Variants in ICAM1 observed in about 807,000 individuals in gnomAD.
The protein encoded by ICAM1 is intercellular adhesion molecule 1, also known as ICAM-1.
In ICAM1, 28 loss-of-function variants were observed where a neutral mutation model predicts 42.3. That is an observed-to-expected ratio of 0.66 (90% CI 0.49 to 0.91). The LOEUF (loss-of-function observed/expected upper bound fraction) is 0.91. ICAM1 is among the 40% of genes least tolerant of loss of function. ICAM1 has a pLI of 0.00. For synonymous variants in ICAM1, 304 were observed against 305.9 expected (o/e 0.99, Z 0.07); for missense variants, 637 against 688.6 (o/e 0.93, Z 0.84).
Position 10,286,096 on chromosome 19 carries a change from C to G in ICAM1, c.*809C>G, listed in dbSNP as rs1437469632. Reference sequence around the variant, plus strand: ...TGAGGCCTTATTCCTCCCTTCCCCCCAAAACTGACACCTTTGTTAGCCACC... The same window carrying G: ...TGAGGCCTTATTCCTCCCTTCCCCCGAAAACTGACACCTTTGTTAGCCACC... On this transcript the variant is annotated 3_prime_UTR_variant, in exon 7 of 7. Transcript: ENST00000264832. 6.6e-6 allele frequency: 1 copy of G among 152,382 alleles called. No individual in the cohort carries two copies. The highest frequency in any genetic ancestry group is 2.4e-5 in the African/African-American group (1 of 41,454). 9.4% of individuals were successfully genotyped at this position (152,382 alleles called of 1,614,324 possible).
chr19:10,273,456 C>T (rs1328942861), intron 1 of ICAM1, among the ~76,000 whole-genome samples: 1 of 151,170 alleles, frequency 6.6e-6, no homozygotes, highest in Non-Finnish European at 1.5e-5. Flanking sequence ...CGTGCCATTG[C>T]ACTCCAGCCT....
At chr19:10,281,991 C>T (rs1055730136) in intron 2 of ICAM1, among the ~76,000 whole-genome samples, 2 of 152,026 alleles carry the variant, frequency 1.3e-5, no homozygotes, top group Admixed American at 1.3e-4. Context: ...ATCCGCCTGC[C>T]TCGGCCCCCC....
At chr19:10,279,039 C>T (rs2040037041) in intron 2 of ICAM1, among the ~76,000 whole-genome samples, 1 of 152,126 alleles carries the variant, frequency 6.6e-6, no homozygotes, top group Non-Finnish European at 1.5e-5. Flanking sequence ...TGGTCTTGCC[C>T]CACCCCTGGT....
chr19:10,277,786 G>A lies in ICAM1; in HGVS notation c.331+2758G>A, dbSNP rs5030359. Among the ~76,000 whole-genome samples the A allele has an allele frequency of 2.0e-3, 297 of 152,240 alleles. 1 individual carries two copies. The highest frequency in any genetic ancestry group is 6.8e-3 in the African/African-American group (282 of 41,570). ...CAGGCGTGAGCCACTGCCCCCAGCC[G>A]AGAATTTCTCTTTGCGTCCTTCCTA... On this transcript the variant is annotated intron_variant, in intron 2 of 6. Transcript: ENST00000264832.
At chr19:10,283,931 G>A (rs2040081955) in intron 3 of ICAM1, 102 bp from the exon 4 acceptor site, 5 of 1,473,312 alleles carry the variant, frequency 3.4e-6, no homozygotes, top group Non-Finnish European at 4.6e-6. Flanking sequence ...AGGCTGCTGA[G>A]TGGCCCTGGA....
At chr19:10,279,234 C>CAGG (rs973338125) in intron 2 of ICAM1, among the ~76,000 whole-genome samples, 2 of 151,802 alleles carry the variant, frequency 1.3e-5, no homozygotes, top group Non-Finnish European at 2.9e-5. Context: ...TTGATGGAGG[C>CAGG]AGGAGGAGGA....
rs144662301 is a variant in ICAM1 at position 10,276,841 on chromosome 19, G to A, written c.331+1813G>A. On this transcript the variant is annotated intron_variant, in intron 2 of 6. Coordinates refer to ENST00000264832, the MANE Select transcript of ICAM1 (RefSeq NM_000201.3). ...ACAAAAAAAACTAGCCAGGCATAGT[G>A]GCACATACCTGTAATCCCAGCTACT... Among the ~76,000 whole-genome samples the A allele has an allele frequency of 4.6e-5, 7 of 151,936 alleles. No individual in the cohort carries two copies. In the East Asian group the frequency reaches 1.4e-3, roughly 30 times the overall value.
chr19:10,278,976 A>G (rs2040036598), intron 2 of ICAM1, among the ~76,000 whole-genome samples: 1 of 152,174 alleles, frequency 6.6e-6, no homozygotes, highest in African/African-American at 2.4e-5. Flanking sequence ...TGGCACAGGT[A>G]GCAAAGGAGT....
intron 2 of ICAM1, among the ~76,000 whole-genome samples, chr19:10,281,993 C>T (rs1157816872): frequency 1.3e-5 from 2 of 151,782 alleles, no homozygotes; most frequent in Admixed American, 6.6e-5. Context: ...CCGCCTGCCT[C>T]GGCCCCCCAA....
intron 2 of ICAM1, among the ~76,000 whole-genome samples, chr19:10,275,711 T>C (rs2040011310): frequency 6.9e-6 from 1 of 145,796 alleles, no homozygotes. Context: ...CTTTCTTTTT[T>C]TTTTTTTTTT....
At chr19:10,276,544 C>CAAAAAAAAAAAAAA (rs71162059) in intron 2 of ICAM1, among the ~76,000 whole-genome samples, 1 of 72,900 alleles carries the variant, frequency 1.4e-5, no homozygotes. Context: ...GACTCCATCT[C>CAAAAAAAAAAAAAA]AAAAAAAAAA....
rs115286009 is a variant in ICAM1 at position 10,282,041 on chromosome 19, C to T, written c.332-1440C>T. Reference sequence around the variant, plus strand: ...ACAGGCGTGAGCCACCACACGCAGCCTTTTTGTTATTAGACTCTGTCATTA... The same window carrying T: ...ACAGGCGTGAGCCACCACACGCAGCTTTTTTGTTATTAGACTCTGTCATTA... On this transcript the variant is annotated intron_variant, in intron 2 of 6. Transcript: ENST00000264832. Among the ~76,000 whole-genome samples, 379 of 149,586 alleles carry T rather than the reference C, an allele frequency of 2.5e-3. 3 individuals are homozygous for T. The highest frequency in any genetic ancestry group is 8.9e-3 in the African/African-American group (363 of 40,820).
intron 1 of ICAM1, 48 bp from the exon 2 acceptor site, chr19:10,274,714 TTGA>T: frequency 1.3e-6 from 2 of 1,587,988 alleles, no homozygotes; most frequent in South Asian, 2.3e-5. Flanking sequence ...GCACATTCCC[TTGA>T]TGAACCTGAT....
intron 2 of ICAM1, among the ~76,000 whole-genome samples, chr19:10,278,172 G>C (rs1240087545): frequency 6.6e-6 from 1 of 152,202 alleles, no homozygotes; most frequent in Admixed American, 6.5e-5. Flanking sequence ...ACTCCAGCCT[G>C]GGTGACAGAG....
Position 10,274,857 on chromosome 19 carries a change from C to T in ICAM1, c.160C>T (p.Gln54Ter). 1 of 1,614,232 alleles carries T rather than the reference C, an allele frequency of 6.2e-7. No homozygotes were observed. Reference sequence around the variant, plus strand: ...GGTGACATGCAGCACCTCCTGTGACCAGCCCAAGTTGTTGGGCATAGAGAC... The same window carrying T: ...GGTGACATGCAGCACCTCCTGTGACTAGCCCAAGTTGTTGGGCATAGAGAC... ...VLVTCSTSCDQPKLLGIETPL... is the reference protein window; with the variant it reads ...VLVTCSTSCD Residue 54 changes from glutamine (Q) to a stop codon, truncating the protein, a stop_gained, in exon 2 of 7, where the codon CAG (glutamine) becomes TAG (stop). Coordinates refer to ENST00000264832, the MANE Select transcript of ICAM1 (RefSeq NM_000201.3). LOFTEE classifies it high-confidence loss of function.
At chr19:10,275,798 C>T (rs937007330) in intron 2 of ICAM1, among the ~76,000 whole-genome samples, 2 of 148,880 alleles carry the variant, frequency 1.3e-5, no homozygotes, top group African/African-American at 5.0e-5. Flanking sequence ...AGCTCCGCCT[C>T]CCGGGTTCAC....
intron 1 of ICAM1, among the ~76,000 whole-genome samples, chr19:10,274,013 C>CAA (rs34434348): frequency 1.5e-5 from 2 of 134,460 alleles, no homozygotes; most frequent in Non-Finnish European, 3.2e-5. Flanking sequence ...GACTCCATCT[C>CAA]AAAAAAAAAA....
At position 10,283,631 on chromosome 19, in the gene ICAM1, C is replaced by T. The variant is rs2145499295; in HGVS notation, c.482C>T (p.Pro161Leu). The change falls in exon 3 of 7, where the codon CCA becomes CTA. Residue 161 changes from proline to leucine, a missense_variant. Transcript: ENST00000264832. ...GGGGAGAAGGAGCTGAAACGGGAGC[C>T]AGCTGTGGGGGAGCCCGCTGAGGTC... is the stretch of plus-strand genomic sequence containing the variant. ...LRGEKELKRE[P>L]AVGEPAEVTT... The T allele has an allele frequency of 1.9e-6, 3 of 1,613,986 alleles. No individual in the cohort carries two copies. Among genetic ancestry groups the T allele is most frequent in the Non-Finnish European group, 2.5e-6 (3 of 1,179,968 alleles).
chr19:10,280,487 C>T (rs913721381), intron 2 of ICAM1, among the ~76,000 whole-genome samples: 1 of 151,974 alleles, frequency 6.6e-6, no homozygotes, highest in South Asian at 2.1e-4. Context: ...AATCCTCCTC[C>T]CACCCTTAGC....
Sources: gnomAD v4.1 joint callset for allele counts (sites outside exome capture counted in the v4.1 genomes callset) on GRCh38, gnomAD v4.1.1 for gene constraint, MANE v1.5 for transcripts, NCBI Gene and HGNC (gene_info 2026-07-23, HGNC 2026-07-21) for gene names.